Variants in RYR2 observed in about 807,000 individuals in gnomAD.
The protein encoded by RYR2 is ryanodine receptor 2.
RYR2 carries 227 observed loss-of-function variants against 601.1 expected under a neutral mutation model. The ratio of observed to expected loss-of-function variants is 0.38; its 90% confidence interval spans 0.34 to 0.42. The LOEUF is 0.42. RYR2 is among the 10% of genes least tolerant of loss of function. RYR2 has a pLI of 1.00. For synonymous variants in RYR2, 2,223 were observed against 2,175.1 expected (o/e 1.02, Z -0.61); for missense variants, 4,646 against 6,156.5 (o/e 0.75, Z 8.21).
chr1:237,148,515 T>C (rs1198681963), intron 1 of RYR2, among the ~76,000 whole-genome samples: 1 of 105,158 alleles, frequency 9.5e-6, no homozygotes, highest in Non-Finnish European at 1.8e-5. Context: ...GAACTTCAAG[T>C]AAAAAAAAAA....
intron 1 of RYR2, among the ~76,000 whole-genome samples, chr1:237,245,676 T>A (rs969181240): frequency 6.6e-6 from 1 of 152,232 alleles, no homozygotes; most frequent in Non-Finnish European, 1.5e-5. Context: ...CTAATTTTGA[T>A]TTAGGAAATG....
intron 2 of RYR2, among the ~76,000 whole-genome samples, chr1:237,307,769 A>G (rs570116938): frequency 6.6e-6 from 1 of 152,218 alleles, no homozygotes. Context: ...CTTTACATAT[A>G]TGTAAGTTAA....
In RYR2 at chr1:237,718,458, A is replaced by G. The variant is rs758662105; in HGVS notation, c.10495-4A>G. ...CCTTTTAGGTAACATATATTTCTTG[A>G]CAGAAAGATACCGAGGATGAAGTAC... On this transcript the variant is annotated splice_polypyrimidine_tract_variant and splice_region_variant and intron_variant, in intron 72 of 104. Coordinates refer to ENST00000366574, the MANE Select transcript of RYR2 (RefSeq NM_001035.3). 1 of 1,525,428 alleles carries G rather than the reference A, an allele frequency of 6.6e-7. No individual in the cohort carries two copies. The highest frequency in any genetic ancestry group is 1.7e-5 in the Admixed American group (1 of 59,212). The allele number at this position is 1,525,428 out of a possible 1,614,324, so 94.5% of individuals were successfully genotyped here.
At chr1:237,169,999 G>T (rs1382752315) in intron 1 of RYR2, among the ~76,000 whole-genome samples, 4 of 152,254 alleles carry the variant, frequency 2.6e-5, no homozygotes, top group Middle Eastern at 3.4e-3. Flanking sequence ...AGGTGCTGGG[G>T]ATTCAATGGT....
chr1:237,719,302 T>TA, intron 73 of RYR2, among the ~76,000 whole-genome samples: 1 of 152,246 alleles, frequency 6.6e-6, no homozygotes, highest in South Asian at 2.1e-4. Flanking sequence ...TAAATATATA[T>TA]TTTTAAGAGT....
intron 1 of RYR2, among the ~76,000 whole-genome samples, chr1:237,072,101 GT>G (rs952983208): frequency 3.9e-5 from 6 of 152,192 alleles, no homozygotes; most frequent in Non-Finnish European, 8.8e-5. Flanking sequence ...CCATATCCAG[GT>G]GGCTGCAGCT....
chr1:237,748,041 T>C (rs1184215789), intron 80 of RYR2, among the ~76,000 whole-genome samples: 1 of 152,144 alleles, frequency 6.6e-6, no homozygotes, highest in Non-Finnish European at 1.5e-5. Flanking sequence ...TCTCAAGTGA[T>C]TATCTCGTGT....
intron 10 of RYR2, among the ~76,000 whole-genome samples, chr1:237,401,049 C>G (rs1306469360): frequency 6.6e-6 from 1 of 152,158 alleles, no homozygotes; most frequent in Non-Finnish European, 1.5e-5. Context: ...TGAGACCCAG[C>G]ATCAAATAAT....
chr1:237,519,111 A>AG (rs1412083379), intron 24 of RYR2, among the ~76,000 whole-genome samples: 7 of 152,238 alleles, frequency 4.6e-5, no homozygotes, highest in African/African-American at 1.7e-4. Flanking sequence ...CCAGTTTTTA[A>AG]GGAGACTATT....
intron 3 of RYR2, among the ~76,000 whole-genome samples, chr1:237,344,589 T>C (rs1185767270): frequency 6.6e-6 from 1 of 152,186 alleles, no homozygotes; most frequent in Non-Finnish European, 1.5e-5. Flanking sequence ...TTAAACACTT[T>C]CATGAAGCTC....
intron 23 of RYR2, among the ~76,000 whole-genome samples, chr1:237,508,120 C>T (rs1665458787): frequency 6.6e-6 from 1 of 152,052 alleles, no homozygotes; most frequent in Non-Finnish European, 1.5e-5. Context: ...TGCACCACCA[C>T]ACGTGGCTAA....
intron 1 of RYR2, among the ~76,000 whole-genome samples, chr1:237,098,406 T>C (rs1667713648): frequency 6.6e-6 from 1 of 151,964 alleles, no homozygotes; most frequent in Admixed American, 6.6e-5. Context: ...TGTGTGTGTG[T>C]GTGTGTGTGT....
intron 27 of RYR2, among the ~76,000 whole-genome samples, chr1:237,562,175 T>C (rs1404820641): frequency 6.6e-6 from 1 of 152,216 alleles, no homozygotes; most frequent in Non-Finnish European, 1.5e-5. Context: ...CTGTTGTCAA[T>C]AATATTTTAA....
chr1:237,204,573 C>G (rs1231245547), intron 1 of RYR2, among the ~76,000 whole-genome samples: 1 of 152,076 alleles, frequency 6.6e-6, no homozygotes, highest in Non-Finnish European at 1.5e-5. Flanking sequence ...GGGTCCCACC[C>G]TAACAGCCAT....
At chr1:237,190,832 A>G (rs1485906075) in intron 1 of RYR2, among the ~76,000 whole-genome samples, 1 of 152,160 alleles carries the variant, frequency 6.6e-6, no homozygotes, top group African/African-American at 2.4e-5. Context: ...ATGACTATAT[A>G]AGATTTGCAA....
Position 237,667,883 on chromosome 1 carries a change from G to T in RYR2, c.8515G>T (p.Ala2839Ser). The change falls in exon 58 of 105, where the codon GCT becomes TCT. Residue 2839 changes from alanine to serine, a missense_variant and splice_region_variant. Ala to Ser is a moderately conservative substitution (Grantham distance 99). Coordinates refer to ENST00000366574, the MANE Select transcript of RYR2 (RefSeq NM_001035.3). ...SNVTLSRDLH[A>S]MAEMMAENYH... ...CGATAAATATTTTTGTTCATTTAAG[G>T]CTATGGCAGAAATGATGGCTGAAAA... is the stretch of plus-strand genomic sequence containing the variant. The T allele has an allele frequency of 6.4e-7, 1 of 1,574,330 alleles. No individual in the cohort carries two copies. The highest frequency in any genetic ancestry group is 8.6e-7 in the Non-Finnish European group (1 of 1,159,422).
At chr1:237,102,342 A>G (rs145182644) in intron 1 of RYR2, among the ~76,000 whole-genome samples, 1 of 152,280 alleles carries the variant, frequency 6.6e-6, no homozygotes, top group Non-Finnish European at 1.5e-5. Flanking sequence ...ATATTTCTGT[A>G]GCCACCTGCC....
intron 70 of RYR2, among the ~76,000 whole-genome samples, chr1:237,711,191 A>G (rs866925833): frequency 6.6e-6 from 1 of 152,204 alleles, no homozygotes. Flanking sequence ...ATATCTGAAT[A>G]TGTACTTTTG....
chr1:237,694,535 CTTA>C (rs1687244920), intron 63 of RYR2, among the ~76,000 whole-genome samples: 1 of 151,998 alleles, frequency 6.6e-6, no homozygotes, highest in Non-Finnish European at 1.5e-5. Context: ...CTGGATTTAA[CTTA>C]TTATATATAC....
Sources: allele counts gnomAD v4.1 joint callset (sites outside exome capture counted in the v4.1 genomes callset), GRCh38; gene constraint gnomAD v4.1.1; transcripts MANE v1.5; gene names NCBI Gene and HGNC (gene_info 2026-07-23, HGNC 2026-07-21).